The following ZNF491 variants were observed in gnomAD, a reference collection of about 807,000 sequenced individuals.
ZNF491 encodes zinc finger protein 491.
ZNF491 carries 22 observed loss-of-function variants against 34.7 expected under a neutral mutation model. The ratio of observed to expected loss-of-function variants is 0.63; its 90% CI spans 0.45 to 0.90. The LOEUF (loss-of-function observed/expected upper bound fraction) is 0.90. Among genes scored for constraint, ZNF491 ranks in the 40% least tolerant of loss-of-function variants. The pLI, the probability that ZNF491 is intolerant of heterozygous loss-of-function variation, is 0.00. For missense variants in ZNF491, 559 were observed against 531.7 expected, an observed-to-expected ratio of 1.05 and a Z score of -0.51; for synonymous variants, 148 against 174.3, an observed-to-expected ratio of 0.85 and a Z score of 1.19.
Position 11,807,366 on chromosome 19 carries a change from C to T in ZNF491, c.*99C>T, listed in dbSNP as rs1445469102. ...TCCTGGCCTCAAGCATCCCTCCCAG[C>T]TTGAAGTGTCAATAAAGGAAGGCAA... is the stretch of plus-strand genomic sequence containing the variant. On this transcript the variant is annotated 3_prime_UTR_variant, in exon 3 of 3. Transcript: ENST00000323169. 1.2e-6 allele frequency: 1 copy of T among 816,396 alleles called. No individual in the cohort carries two copies. The highest frequency in any genetic ancestry group is 1.8e-6 in the Non-Finnish European group (1 of 548,764). The allele number at this position is 816,396 out of a possible 1,614,324, so 50.6% of individuals were successfully genotyped here.
In ZNF491 at chr19:11,807,305, CAG is replaced by C; in HGVS notation, c.*39_*40del. The C allele has an allele frequency of 7.0e-7, 1 of 1,435,714 alleles. No homozygotes were observed. Among genetic ancestry groups the C allele is most frequent in the Non-Finnish European group, 9.3e-7 (1 of 1,079,488 alleles). The allele number at this position is 1,435,714 out of a possible 1,614,324, so 88.9% of individuals were successfully genotyped here. On this transcript the variant is annotated 3_prime_UTR_variant, in exon 3 of 3. Transcript: ENST00000323169. ...TTTTTAATTTTTATTTTAATAGAGA[CAG>C]GGTCTCACTATCTTGTCCAGGTTGG...
In ZNF491 at chr19:11,806,658, G is replaced by A. The variant is rs775144051; in HGVS notation, c.705G>A (p.Arg235=). The change falls in exon 3 of 3, where the codon AGG becomes AGA. Residue 235 remains arginine, a synonymous_variant. Coordinates refer to ENST00000323169, the MANE Select transcript of ZNF491 (RefSeq NM_152356.4). Reference sequence around the variant, plus strand: ...CCAGTTCTTTTCACAGGCATGAAAGGACTCACACAGGAGAAAAACCCTATG... The same window carrying A: ...CCAGTTCTTTTCACAGGCATGAAAGAACTCACACAGGAGAAAAACCCTATG... ...NCPSSFHRHE[R]THTGEKPYEC... is the part of the protein sequence containing the mutation. The A allele has an allele frequency of 1.2e-6, 2 of 1,613,278 alleles. No individual in the cohort carries two copies. Among genetic ancestry groups the A allele is most frequent in the East Asian group, 2.2e-5 (1 of 44,830 alleles).
In ZNF491 at chr19:11,806,356, T is replaced by G; in HGVS notation, c.403T>G (p.Phe135Val). Reference sequence around the variant, plus strand: ...TGGAGATGGACCTTATAAATGTAAGTTTTGTGGGAAAGCCTTGGATTGTCT... The same window carrying G: ...TGGAGATGGACCTTATAAATGTAAGGTTTGTGGGAAAGCCTTGGATTGTCT... The part of the protein sequence containing the change: ...HSGDGPYKCK[F>V]CGKALDCLSL... The change falls in exon 3 of 3, where the codon TTT becomes GTT. Residue 135 changes from phenylalanine to valine, a missense_variant. Transcript: ENST00000323169. The G allele has an allele frequency of 6.2e-7, 1 of 1,613,058 alleles. No individual in the cohort carries two copies.
At chr19:11,802,939 T>C (rs765775025) in intron 1 of ZNF491, among the ~76,000 whole-genome samples, 12 of 151,856 alleles carry the variant, frequency 7.9e-5, no homozygotes, top group Non-Finnish European at 1.3e-4. Flanking sequence ...AGGAAACACA[T>C]CTTTCTCTCC....
Position 11,798,531 on chromosome 19 carries a change from A to G in ZNF491, c.-330A>G, listed in dbSNP as rs913747454. On this transcript the variant is annotated 5_prime_UTR_variant, in exon 1 of 3. Transcript: ENST00000323169. This position sits in a 1 kb window ranked among gnomAD's most constrained non-coding sequence, Gnocchi z 4.0. ...TGGGACGGGGCCCTGCCAACTGTCA[A>G]TCCGGGGAAGCAGAAGGCCGCACTC... 1 of 152,336 alleles carries G rather than the reference A, an allele frequency of 6.6e-6. No homozygotes were observed. The highest frequency in any genetic ancestry group is 2.4e-5 in the African/African-American group (1 of 41,426). 9.4% of individuals were successfully genotyped at this position (152,336 alleles called of 1,614,324 possible).
chr19:11,804,324 T>C (rs1281555943), intron 1 of ZNF491, among the ~76,000 whole-genome samples: 1 of 152,176 alleles, frequency 6.6e-6, no homozygotes, highest in Non-Finnish European at 1.5e-5. Context: ...GGCTACATTT[T>C]CCTATTCTGC....
At chr19:11,805,871 C>T in intron 2 of ZNF491, 76 bp from the exon 3 acceptor site, 1 of 1,223,646 alleles carries the variant, frequency 8.2e-7, no homozygotes, top group African/African-American at 1.5e-5. Context: ...ATTAAAAATG[C>T]AAGTGTAATA....
At chr19:11,805,200 G>A (rs1027129060) in intron 2 of ZNF491, among the ~76,000 whole-genome samples, 54 of 151,004 alleles carry the variant, frequency 3.6e-4, no homozygotes, top group Non-Finnish European at 6.8e-4. Context: ...ACCTGAGGTC[G>A]GGAGTTCAAG....
Position 11,804,609 on chromosome 19 carries a change from TC to T in ZNF491, c.-64del. The T allele has an allele frequency of 6.5e-7, 1 of 1,528,114 alleles. No individual in the cohort carries two copies. The highest frequency in any genetic ancestry group is 8.8e-7 in the Non-Finnish European group (1 of 1,139,570). The allele number at this position is 1,528,114 out of a possible 1,614,324, so 94.7% of individuals were successfully genotyped here. On this transcript the variant is annotated 5_prime_UTR_variant, in exon 2 of 3. It removes the in-frame stop codon of an upstream open reading frame in the 5' UTR. Coordinates refer to ENST00000323169, the MANE Select transcript of ZNF491 (RefSeq NM_152356.4). ...GAGGAGTGGGCCTTGTTGAATCCTT[TC>T]CAGAAGATCTCTACAGAGATGTGAT...
In ZNF491 at chr19:11,804,474, G is replaced by T. The variant is rs903361981; in HGVS notation, c.-133-68G>T. 9 of 1,433,876 alleles carry T rather than the reference G, an allele frequency of 6.3e-6. No homozygotes were observed. In the African/African-American group the frequency reaches 1.2e-4, roughly 19 times the overall value. 88.8% of individuals were successfully genotyped at this position (1,433,876 alleles called of 1,614,324 possible). ...CCACAGCATCATGAGAACTTCTTGG[G>T]AATAGAGTCTAGGCCCCCAGTGCTG... On this transcript the variant is annotated intron_variant, in intron 1 of 2. Transcript: ENST00000323169.
chr19:11,801,932 G>C (rs1033791683), intron 1 of ZNF491, among the ~76,000 whole-genome samples: 3 of 152,008 alleles, frequency 2.0e-5, no homozygotes, highest in African/African-American at 7.2e-5. Context: ...CCATTGATTG[G>C]CATTTAGGTT....
Position 11,807,575 on chromosome 19 carries a change from G to A in ZNF491, c.*308G>A, listed in dbSNP as rs1209131801. ...CCTGATTCTCTGGCTTGTCAATCAA[G>A]AGTATCCTCCAAATCTCTTGACTTT... On this transcript the variant is annotated 3_prime_UTR_variant, in exon 3 of 3. Transcript: ENST00000323169. The A allele has an allele frequency of 6.7e-6, 2 of 296,920 alleles. No individual in the cohort carries two copies. The highest frequency in any genetic ancestry group is 1.3e-5 in the Non-Finnish European group (2 of 152,404). 18.4% of individuals were successfully genotyped at this position (296,920 alleles called of 1,614,324 possible). A position where few individuals can be genotyped will look rare whatever the true frequency, so the allele number is the denominator to read the frequency against.
chr19:11,798,565 T>G lies in ZNF491; in HGVS notation c.-296T>G, dbSNP rs1568231470. 2 of 152,354 alleles carry G rather than the reference T, an allele frequency of 1.3e-5. No individual in the cohort carries two copies. Among genetic ancestry groups the G allele is most frequent in the Admixed American group, 1.3e-4 (2 of 15,272 alleles). The allele number at this position is 152,354 out of a possible 1,614,324, so 9.4% of individuals were successfully genotyped here. A position where few individuals can be genotyped will look rare whatever the true frequency, so the allele number is the denominator to read the frequency against. On this transcript the variant is annotated 5_prime_UTR_variant, in exon 1 of 3. Transcript: ENST00000323169. This position sits in a 1 kb window ranked among gnomAD's most constrained non-coding sequence, Gnocchi z 4.0. ...AGCAGAAGGCCGCACTCAGAGTCTC[T>G]GCACTCCTTTGTTGCTGGGGTCCGT...
At chr19:11,804,393 T>C (rs1975587837) in intron 1 of ZNF491, 149 bp from the exon 2 acceptor site, 13 of 1,205,130 alleles carry the variant, frequency 1.1e-5, no homozygotes, top group Non-Finnish European at 1.4e-5. Context: ...AGGAAGTGAG[T>C]GTAGACAGGG....
chr19:11,805,674 T>C (rs2145100610), intron 2 of ZNF491, among the ~76,000 whole-genome samples: 1 of 152,094 alleles, frequency 6.6e-6, no homozygotes, highest in African/African-American at 2.4e-5. Context: ...ACAGCAAGAC[T>C]CTATCTCTAC....
Position 11,806,606 on chromosome 19 carries a change from AG to A in ZNF491, c.655del (p.Glu219AsnfsTer38). On this transcript the variant is annotated frameshift_variant, in exon 3 of 3. Transcript: ENST00000323169. LOFTEE classifies it high-confidence loss of function. ...ACAGGAGAGAAGCCGTACAAATGTA[AG>A]GAATGTGGGAAAGCCTTCAATTGTC... The part of the protein sequence containing the change: ...THTGEKPYKC[K>X]ECGKAFNCPS... 1 of 1,614,100 alleles carries A rather than the reference AG, an allele frequency of 6.2e-7. No homozygotes were observed. Among genetic ancestry groups the A allele is most frequent in the Non-Finnish European group, 8.5e-7 (1 of 1,180,012 alleles).
At position 11,805,409 on chromosome 19, in the gene ZNF491, CAAAAAAAAAAAAA is replaced by C. The variant is rs971587205; in HGVS notation, c.-7-528_-7-516del. On this transcript the variant is annotated intron_variant, in intron 2 of 2. Coordinates refer to ENST00000323169, the MANE Select transcript of ZNF491 (RefSeq NM_152356.4). ...GGGCAACAAGAGCAAAACTCCGTCTCAAAAAAAAAAAAAAAAAAAAAAGAAACCTCATGTAAAT... is the reference window on the plus strand; with the variant it reads ...GGGCAACAAGAGCAAAACTCCGTCTCAAAAAAAAAGAAACCTCATGTAAAT... 6.1e-5 allele frequency among the ~76,000 whole-genome samples: 3 copies of C among 48,974 alleles called. No individual in the cohort carries two copies. In the East Asian group the frequency reaches 1.7e-3, roughly 28 times the overall value. The allele number at this position is 48,974 out of a possible 152,430, so 32.1% of individuals were successfully genotyped here. A position where few individuals can be genotyped will look rare whatever the true frequency, so the allele number is the denominator to read the frequency against.
chr19:11,807,602 CT>C lies in ZNF491; in HGVS notation c.*341del. ...GTATCCTCCAAATCTCTTGACTTTCCTTTTTTCAGAGGTGTAGGTTTCCAAA... is the reference window on the plus strand; with the variant it reads ...GTATCCTCCAAATCTCTTGACTTTCCTTTTTCAGAGGTGTAGGTTTCCAAA... On this transcript the variant is annotated 3_prime_UTR_variant, in exon 3 of 3. Transcript: ENST00000323169. The C allele has an allele frequency of 4.2e-6, 1 of 239,030 alleles. No individual in the cohort carries two copies. Among genetic ancestry groups the C allele is most frequent in the Non-Finnish European group, 8.7e-6 (1 of 115,276 alleles). 14.8% of individuals were successfully genotyped at this position (239,030 alleles called of 1,614,324 possible). A position where few individuals can be genotyped will look rare whatever the true frequency, so the allele number is the denominator to read the frequency against.
At chr19:11,804,206 C>CAAAA (rs71166629) in intron 1 of ZNF491, among the ~76,000 whole-genome samples, 318 of 67,176 alleles carry the variant, frequency 4.7e-3, no homozygotes, top group East Asian at 6.4e-3. Context: ...CCATCTCAGA[C>CAAAA]AAAAAAAAAA....
Sources: gnomAD v4.1 joint callset for allele counts (sites outside exome capture counted in the v4.1 genomes callset) on GRCh38, gnomAD v4.1.1 for gene constraint, Gnocchi (gnomAD v3.1) non-coding constraint, MANE v1.5 for transcripts, NCBI Gene and HGNC (gene_info 2026-07-23, HGNC 2026-07-21) for gene names.